Variants in CDH18 observed in about 807,000 individuals in gnomAD.
The protein encoded by CDH18 is cadherin 18.
In CDH18, 31 loss-of-function variants were observed where a neutral mutation model predicts 67.9. The ratio of observed to expected loss-of-function variants is 0.46; its 90% CI spans 0.34 to 0.62. The LOEUF (loss-of-function observed/expected upper bound fraction) is 0.62, where lower values mean the gene tolerates loss of function less well. CDH18 is among the 20% of genes least tolerant of loss of function. The pLI is 0.01. For synonymous variants in CDH18, 362 were observed against 347.2 expected, an observed-to-expected ratio of 1.04 and a Z score of -0.48; for missense variants, 890 against 975.5, an observed-to-expected ratio of 0.91 and a Z score of 1.17.
chr5:20,061,018 A>C (rs932429598), intron 2 of CDH18, among the ~76,000 whole-genome samples: 1 of 152,048 alleles, frequency 6.6e-6, no homozygotes, highest in African/African-American at 2.4e-5. Context: ...TTAGGAAAGC[A>C]ATTATTTGGC....
intron 2 of CDH18, among the ~76,000 whole-genome samples, chr5:20,174,000 G>A (rs60601392): frequency 0.034 from 5,233 of 152,090 alleles, 308 homozygotes; most frequent in African/African-American, 0.12. Flanking sequence ...TACCACTTTA[G>A]GAATGAAAAG....
intron 7 of CDH18, among the ~76,000 whole-genome samples, chr5:19,582,249 A>T (rs1743386156): frequency 6.6e-6 from 1 of 152,004 alleles, no homozygotes; most frequent in Non-Finnish European, 1.5e-5. Context: ...TAAATAAAAT[A>T]ATTAAAAATA....
intron 3 of CDH18, among the ~76,000 whole-genome samples, chr5:19,826,052 CAG>C (rs1220686118): frequency 1.3e-5 from 2 of 152,028 alleles, no homozygotes; most frequent in African/African-American, 4.8e-5. Flanking sequence ...ATGGAACTAA[CAG>C]AGCTGAAAAA....
intron 3 of CDH18, among the ~76,000 whole-genome samples, chr5:19,785,711 TATATATATATATATGC>T (rs1775705957): frequency 1.0e-5 from 1 of 97,986 alleles, no homozygotes; most frequent in Non-Finnish European, 2.0e-5. Flanking sequence ...TATATATATA[TATATATATATATATGC>T]ATGCATCTGT....
At chr5:20,281,923 C>A (rs551359315) in intron 1 of CDH18, among the ~76,000 whole-genome samples, 1 of 152,198 alleles carries the variant, frequency 6.6e-6, no homozygotes, top group African/African-American at 2.4e-5. Context: ...TGAACAGATC[C>A]TTTGCATCCC....
chr5:20,123,951 G>A (rs917779637), intron 2 of CDH18, among the ~76,000 whole-genome samples: 1 of 150,892 alleles, frequency 6.6e-6, no homozygotes, highest in Non-Finnish European at 1.5e-5. Context: ...ATCTACTTCA[G>A]TCATGTATTT....
chr5:20,339,545 C>T (rs564273466), intron 1 of CDH18, among the ~76,000 whole-genome samples: 26 of 152,156 alleles, frequency 1.7e-4, no homozygotes, highest in African/African-American at 6.3e-4. Flanking sequence ...TATAGAGAGG[C>T]ACTACCTTCT....
chr5:20,309,793 G>A (rs764971889), intron 1 of CDH18, among the ~76,000 whole-genome samples: 1 of 152,136 alleles, frequency 6.6e-6, no homozygotes, highest in Non-Finnish European at 1.5e-5. Context: ...TGTAGTCAGT[G>A]TTTGTTTTAC....
At chr5:19,675,550 T>C (rs1759367841) in intron 5 of CDH18, among the ~76,000 whole-genome samples, 1 of 152,058 alleles carries the variant, frequency 6.6e-6, no homozygotes, top group African/African-American at 2.4e-5. Flanking sequence ...AGAAGAGAAA[T>C]ATGGCTCTGT....
intron 5 of CDH18, among the ~76,000 whole-genome samples, chr5:19,661,438 T>C (rs1448984913): frequency 2.0e-5 from 3 of 151,966 alleles, no homozygotes; most frequent in Admixed American, 6.6e-5. Flanking sequence ...TGATACTTGA[T>C]AGAACATAAT....
At chr5:19,629,769 T>C (rs185271255) in intron 5 of CDH18, among the ~76,000 whole-genome samples, 6 of 152,238 alleles carry the variant, frequency 3.9e-5, no homozygotes, top group African/African-American at 9.6e-5. Context: ...CAATAAGAGG[T>C]TGACTATATA....
chr5:20,375,838 T>A (rs1743368865), intron 1 of CDH18, among the ~76,000 whole-genome samples: 1 of 152,154 alleles, frequency 6.6e-6, no homozygotes, highest in African/African-American at 2.4e-5. Flanking sequence ...ATTCAAGTAC[T>A]CACTCGGGAC....
intron 5 of CDH18, among the ~76,000 whole-genome samples, chr5:19,713,666 T>C (rs1764995046): frequency 6.6e-6 from 1 of 152,152 alleles, no homozygotes; most frequent in South Asian, 2.1e-4. Context: ...TGGTACTTTG[T>C]TTTGGAAATA....
chr5:20,171,911 G>C (rs897415719), intron 2 of CDH18, among the ~76,000 whole-genome samples: 5 of 150,956 alleles, frequency 3.3e-5, no homozygotes, highest in African/African-American at 1.2e-4. Context: ...ATGGTGTAAG[G>C]AAAGGGTCCA....
At chr5:19,815,835 C>A (rs1009887803) in intron 3 of CDH18, among the ~76,000 whole-genome samples, 1 of 151,838 alleles carries the variant, frequency 6.6e-6, no homozygotes, top group Non-Finnish European at 1.5e-5. Context: ...TTTTTCCTTA[C>A]CCTCTGTTTC....
chr5:20,464,838 T>C (rs966676802), intron 1 of CDH18, among the ~76,000 whole-genome samples: 5 of 152,050 alleles, frequency 3.3e-5, no homozygotes, highest in Non-Finnish European at 7.4e-5. Flanking sequence ...TGTGTTACTA[T>C]GCATTAGGAA....
chr5:19,726,045 T>C (rs1288045793), intron 4 of CDH18, among the ~76,000 whole-genome samples: 1 of 152,210 alleles, frequency 6.6e-6, no homozygotes, highest in Admixed American at 6.5e-5. Flanking sequence ...TGCAAGATCA[T>C]TCTTCTTTTG....
Position 19,710,130 on chromosome 5 carries a change from G to A in CDH18, c.643+11217C>T, listed in dbSNP as rs6870855. On this transcript the variant is annotated intron_variant, in intron 5 of 12. Coordinates refer to ENST00000382275, the MANE Select transcript of CDH18 (RefSeq NM_004934.5). ...AGCCTGGGTGACAGAGTAAGACTCC[G>A]TCTCAAAAAACAAAAATAAAACACT... 7.9e-3 allele frequency among the ~76,000 whole-genome samples: 1,208 copies of A among 152,152 alleles called. 16 individuals carry two copies. The highest frequency in any genetic ancestry group is 0.028 in the African/African-American group (1,156 of 41,522).
chr5:20,571,647 A>G (rs1210297383), intron 1 of CDH18, among the ~76,000 whole-genome samples: 1 of 152,078 alleles, frequency 6.6e-6, no homozygotes, highest in Non-Finnish European at 1.5e-5. Context: ...AAATAACTCT[A>G]TATATTTACT....
Sources: gnomAD v4.1 joint callset for allele counts (sites outside exome capture counted in the v4.1 genomes callset) on GRCh38, gnomAD v4.1.1 for gene constraint, MANE v1.5 for transcripts, NCBI Gene and HGNC (gene_info 2026-07-23, HGNC 2026-07-21) for gene names.